The following PRKN variants were observed in gnomAD, a reference collection of about 807,000 sequenced individuals.
PRKN encodes the protein parkin RBR E3 ubiquitin protein ligase.
PRKN carries 56 observed loss-of-function variants against 59.5 expected under a neutral mutation model. The ratio of observed to expected loss-of-function variants is 0.94; its 90% CI spans 0.76 to 1.18. The LOEUF is 1.18. PRKN is among the 50% of genes most tolerant of loss of function. The pLI is 0.00. For missense variants in PRKN, 657 were observed against 596.4 expected (o/e 1.10, Z -1.06); for synonymous variants, 250 against 222.1 (o/e 1.13, Z -1.12).
intron 1 of PRKN, among the ~76,000 whole-genome samples, chr6:162,511,681 G>T (rs1306943731): frequency 1.3e-5 from 2 of 151,976 alleles, no homozygotes; most frequent in Non-Finnish European, 2.9e-5. Flanking sequence ...TAAGGGACTA[G>T]TACTCACCCC....
intron 3 of PRKN, among the ~76,000 whole-genome samples, chr6:162,227,271 G>A (rs1483411773): frequency 6.6e-6 from 1 of 151,992 alleles, no homozygotes; most frequent in South Asian, 2.1e-4. Flanking sequence ...TTCATTTTTA[G>A]CTATGCAACA....
rs576173990 is a variant in PRKN, at chr6:162,009,109, C to T, written c.619-35692G>A. ...CTTTACTAAAAATACAAAAATTAGC[C>T]GGGTGTGGTGGTGTGACCCTGTAAT... On this transcript the variant is annotated intron_variant, in intron 5 of 11. Transcript: ENST00000366898. 2.6e-5 allele frequency among the ~76,000 whole-genome samples: 4 copies of T among 151,810 alleles called. No homozygotes were observed. The South Asian group carries it at 6.3e-4, about 24-fold the overall frequency.
At chr6:161,741,533 C>T (rs761620) in intron 7 of PRKN, among the ~76,000 whole-genome samples, 105,011 of 151,874 alleles carry the variant, frequency 0.69, 36,459 homozygotes, top group East Asian at 0.76. Flanking sequence ...GGGCCTCTGT[C>T]TTTCCAGAAA....
intron 3 of PRKN, among the ~76,000 whole-genome samples, chr6:162,232,264 G>A (rs1175165172): frequency 6.6e-6 from 1 of 152,136 alleles, no homozygotes; most frequent in Non-Finnish European, 1.5e-5. Flanking sequence ...TGCAGTGCCT[G>A]TTGAAGGCTA....
chr6:162,021,138 A>AT lies in PRKN; in HGVS notation c.618+32952dup, dbSNP rs1356976435. Among the ~76,000 whole-genome samples the AT allele has an allele frequency of 2.0e-3, 127 of 62,988 alleles. 9 individuals carry two copies. Among genetic ancestry groups the AT allele is most frequent in the Non-Finnish European group, 3.0e-3 (111 of 36,942 alleles). 41.3% of individuals were successfully genotyped at this position (62,988 alleles called of 152,430 possible). A position where few individuals can be genotyped will look rare whatever the true frequency, so the allele number is the denominator to read the frequency against. On this transcript the variant is annotated intron_variant, in intron 5 of 11. Coordinates refer to ENST00000366898, the MANE Select transcript of PRKN (RefSeq NM_004562.3). The stretch of plus-strand genomic sequence containing the variant: ...CAAAAACATATATATATATATATAT[A>AT]TATATATATATATATATATATATAT...
chr6:161,804,353 G>T (rs140578560), intron 6 of PRKN, among the ~76,000 whole-genome samples: 2 of 152,322 alleles, frequency 1.3e-5, no homozygotes, highest in East Asian at 3.9e-4. Context: ...GATGCTGCCA[G>T]CTGTTTTTAG....
At chr6:161,950,393 A>G (rs530562059) in intron 6 of PRKN, among the ~76,000 whole-genome samples, 15 of 152,192 alleles carry the variant, frequency 9.9e-5, no homozygotes, top group African/African-American at 3.6e-4. Context: ...AAAAATACAA[A>G]AATTAGCCAG....
At chr6:161,920,046 G>GT (rs1337737230) in intron 6 of PRKN, among the ~76,000 whole-genome samples, 1 of 152,188 alleles carries the variant, frequency 6.6e-6, no homozygotes, top group African/African-American at 2.4e-5. Flanking sequence ...TTGCTGCTGG[G>GT]TTAAAAACCT....
In PRKN at chr6:161,399,821, G is replaced by A. The variant is rs868691545; in HGVS notation, c.1084-12944C>T. Among the ~76,000 whole-genome samples the A allele has an allele frequency of 6.6e-6, 1 of 151,922 alleles. No individual in the cohort carries two copies. The highest frequency in any genetic ancestry group is 1.5e-5 in the Non-Finnish European group (1 of 67,998). Reference sequence around the variant, plus strand: ...AAAGGATACAGCCTAGAACAGTGCTGTCCAATTGAAACAGCAATAATTTTT... The same window carrying A: ...AAAGGATACAGCCTAGAACAGTGCTATCCAATTGAAACAGCAATAATTTTT... On this transcript the variant is annotated intron_variant, in intron 9 of 11. Coordinates refer to ENST00000366898, the MANE Select transcript of PRKN (RefSeq NM_004562.3). The surrounding 1 kb of genome is among the most constrained non-coding windows in gnomAD (Gnocchi z 4.4).
intron 2 of PRKN, among the ~76,000 whole-genome samples, chr6:162,352,694 G>A (rs1014114390): frequency 2.0e-5 from 3 of 152,102 alleles, no homozygotes; most frequent in African/African-American, 4.8e-5. Flanking sequence ...TTCATCTCAC[G>A]TCTAATTATT....
chr6:161,705,501 G>T (rs1202012681), intron 7 of PRKN, among the ~76,000 whole-genome samples: 4 of 152,172 alleles, frequency 2.6e-5, no homozygotes, highest in Non-Finnish European at 5.9e-5. Context: ...GGGACTGTCT[G>T]TGTAGGGATT....
At chr6:161,732,956 C>A (rs563255925) in intron 7 of PRKN, among the ~76,000 whole-genome samples, 1 of 152,132 alleles carries the variant, frequency 6.6e-6, no homozygotes, top group African/African-American at 2.4e-5. Context: ...CCCTTTGGAG[C>A]AACAGCACCA....
At chr6:162,602,889 G>A (rs1781765652) in intron 1 of PRKN, among the ~76,000 whole-genome samples, 3 of 152,242 alleles carry the variant, frequency 2.0e-5, no homozygotes, top group Non-Finnish European at 4.4e-5. Flanking sequence ...TTGGCTTGGC[G>A]ATGCAGAAAG....
intron 3 of PRKN, among the ~76,000 whole-genome samples, chr6:162,219,163 C>G (rs117759336): frequency 6.6e-6 from 1 of 152,074 alleles, no homozygotes; most frequent in South Asian, 2.1e-4. Context: ...TGTACTCCAG[C>G]CTGGGTAACA....
At chr6:161,884,166 A>G (rs796939346) in intron 6 of PRKN, among the ~76,000 whole-genome samples, 11 of 152,186 alleles carry the variant, frequency 7.2e-5, no homozygotes, top group African/African-American at 2.7e-4. Context: ...GTGCCCCTAT[A>G]TATCACTAAT....
chr6:161,478,900 G>A (rs1021565532), intron 9 of PRKN, among the ~76,000 whole-genome samples: 4 of 152,006 alleles, frequency 2.6e-5, no homozygotes, highest in African/African-American at 4.8e-5. Context: ...GTTTTATGTG[G>A]ATATACTAAT....
At chr6:161,782,678 G>A (rs898869839) in intron 7 of PRKN, among the ~76,000 whole-genome samples, 1 of 146,564 alleles carries the variant, frequency 6.8e-6, no homozygotes, top group Admixed American at 6.9e-5. Flanking sequence ...CGGATCACCT[G>A]AGGTCAGGAG....
chr6:161,829,189 G>C (rs1792372508), intron 6 of PRKN, among the ~76,000 whole-genome samples: 1 of 152,176 alleles, frequency 6.6e-6, no homozygotes, highest in South Asian at 2.1e-4. Context: ...TCACACGATT[G>C]CACTCCAGTC....
At chr6:162,563,983 C>CAA (rs34846475) in intron 1 of PRKN, among the ~76,000 whole-genome samples, 77 of 146,620 alleles carry the variant, frequency 5.3e-4, no homozygotes, top group East Asian at 1.8e-3. Context: ...TCTGAGGAGA[C>CAA]AAAAAAAAAA....
Sources: gnomAD v4.1 joint callset for allele counts (sites outside exome capture counted in the v4.1 genomes callset) on GRCh38, gnomAD v4.1.1 for gene constraint, Gnocchi (gnomAD v3.1) non-coding constraint, MANE v1.5 for transcripts, NCBI Gene and HGNC (gene_info 2026-07-23, HGNC 2026-07-21) for gene names.